Variants in CDKAL1 observed in about 807,000 individuals in gnomAD.
CDKAL1 encodes the protein threonylcarbamoyladenosine tRNA methylthiotransferase.
CDKAL1 carries 32 observed loss-of-function variants against 68.2 expected under a neutral mutation model. The observed-to-expected ratio is 0.47, with a 90% CI of 0.35 to 0.63. The LOEUF (loss-of-function observed/expected upper bound fraction) is 0.63, where lower values mean the gene tolerates loss of function less well. Ranked by LOEUF, CDKAL1 falls within the 30% of genes least tolerant of loss-of-function variation. The pLI, the probability that CDKAL1 is intolerant of heterozygous loss-of-function variation, is 0.00. For synonymous variants in CDKAL1, 234 were observed against 244.3 expected, an observed-to-expected ratio of 0.96 and a Z score of 0.39; for missense variants, 606 against 696.7, an observed-to-expected ratio of 0.87 and a Z score of 1.47.
At chr6:20,631,160 C>T (rs1767657677) in intron 4 of CDKAL1, among the ~76,000 whole-genome samples, 1 of 152,084 alleles carries the variant, frequency 6.6e-6, no homozygotes, top group African/African-American at 2.4e-5. Context: ...GAAGTTCTGC[C>T]CACCTGTTAC....
intron 13 of CDKAL1, among the ~76,000 whole-genome samples, chr6:21,159,458 G>A (rs1302926226): frequency 6.6e-6 from 1 of 152,096 alleles, no homozygotes. Flanking sequence ...TATACAAGCT[G>A]TCATAGCAAC....
intron 15 of CDKAL1, among the ~76,000 whole-genome samples, chr6:21,218,460 G>A (rs943427028): frequency 3.3e-5 from 5 of 152,234 alleles, no homozygotes; most frequent in Non-Finnish European, 5.9e-5. Flanking sequence ...TTCTCTGGGT[G>A]CCCGTGGCAC....
intron 13 of CDKAL1, among the ~76,000 whole-genome samples, chr6:21,117,734 T>C (rs1427167251): frequency 6.6e-6 from 1 of 152,184 alleles, no homozygotes; most frequent in East Asian, 1.9e-4. Flanking sequence ...TACATTCCAC[T>C]TGGGCAAATT....
At chr6:20,547,945 G>C (rs769786775) in intron 3 of CDKAL1, among the ~76,000 whole-genome samples, 3 of 152,140 alleles carry the variant, frequency 2.0e-5, no homozygotes, top group African/African-American at 7.2e-5. Context: ...TGCCATTGCT[G>C]CTAGAACCAC....
intron 4 of CDKAL1, among the ~76,000 whole-genome samples, chr6:20,619,186 A>G (rs1767065778): frequency 6.6e-6 from 1 of 152,214 alleles, no homozygotes; most frequent in Admixed American, 6.5e-5. Flanking sequence ...TTTGTACTCC[A>G]AAGGCAACTT....
chr6:20,881,099 G>A (rs1463554565), intron 9 of CDKAL1, among the ~76,000 whole-genome samples: 1 of 152,192 alleles, frequency 6.6e-6, no homozygotes, highest in East Asian at 1.9e-4. Flanking sequence ...ATCTCTAAGT[G>A]TGATCCCCAA....
intron 15 of CDKAL1, among the ~76,000 whole-genome samples, chr6:21,225,791 T>A (rs1344630341): frequency 6.6e-6 from 1 of 152,166 alleles, no homozygotes; most frequent in Admixed American, 6.5e-5. Context: ...CAATTCTATT[T>A]TAGAAGCAAA....
intron 11 of CDKAL1, among the ~76,000 whole-genome samples, chr6:21,003,367 T>TACACAC (rs1483081425): frequency 4.6e-5 from 3 of 65,680 alleles, no homozygotes; most frequent in African/African-American, 2.6e-4. Context: ...TATATATATA[T>TACACAC]ATATACACAC....
At chr6:20,640,166 G>A (rs1768105033) in intron 4 of CDKAL1, among the ~76,000 whole-genome samples, 1 of 133,322 alleles carries the variant, frequency 7.5e-6, no homozygotes, top group African/African-American at 3.0e-5. Flanking sequence ...GAGTTCTGTG[G>A]TAAAGAAACT....
chr6:20,632,433 T>C (rs1413852226), intron 4 of CDKAL1, among the ~76,000 whole-genome samples: 1 of 152,218 alleles, frequency 6.6e-6, no homozygotes, highest in Non-Finnish European at 1.5e-5. Flanking sequence ...AAATTATAAG[T>C]CGAATCATTG....
intron 8 of CDKAL1, among the ~76,000 whole-genome samples, chr6:20,799,107 C>T (rs1460587173): frequency 1.7e-5 from 2 of 114,444 alleles, no homozygotes; most frequent in Non-Finnish European, 3.3e-5. Flanking sequence ...GGCTGGAGTG[C>T]AATGGCATGA....
intron 12 of CDKAL1, among the ~76,000 whole-genome samples, chr6:21,092,166 G>A (rs1457569796): frequency 6.9e-6 from 1 of 144,056 alleles, no homozygotes; most frequent in Non-Finnish European, 1.5e-5. Context: ...GATTACAGGC[G>A]TGAGCCACTG....
chr6:21,086,978 C>T (rs1226235064), intron 12 of CDKAL1, among the ~76,000 whole-genome samples: 1 of 152,128 alleles, frequency 6.6e-6, no homozygotes, highest in African/African-American at 2.4e-5. Context: ...TAAAATGGCA[C>T]CCCAAACCTC....
intron 9 of CDKAL1, among the ~76,000 whole-genome samples, chr6:20,899,462 C>A (rs2150594556): frequency 6.6e-6 from 1 of 152,114 alleles, no homozygotes; most frequent in South Asian, 2.1e-4. Context: ...ATCTTGTGAA[C>A]AGAATGATGC....
At chr6:20,727,200 G>A (rs1442544506) in intron 5 of CDKAL1, among the ~76,000 whole-genome samples, 3 of 152,128 alleles carry the variant, frequency 2.0e-5, no homozygotes, top group African/African-American at 7.2e-5. Context: ...TAACTTTAGG[G>A]TCTGTCTTAG....
Position 21,120,542 on chromosome 6 carries a change from T to C in CDKAL1, c.1299+12079T>C, listed in dbSNP as rs551209579. Among the ~76,000 whole-genome samples the C allele has an allele frequency of 8.5e-5, 13 of 152,326 alleles. No individual in the cohort carries two copies. The East Asian group carries it at 2.5e-3, about 29-fold the overall frequency. ...AAATTCTCCCTTTGTAACCTTATCC[T>C]AGAGACCCCTGTTTTCTTCTCCAGA... On this transcript the variant is annotated intron_variant, in intron 13 of 15. Coordinates refer to ENST00000274695, the MANE Select transcript of CDKAL1 (RefSeq NM_017774.3).
chr6:21,153,817 A>G (rs1776523576), intron 13 of CDKAL1, among the ~76,000 whole-genome samples: 1 of 152,200 alleles, frequency 6.6e-6, no homozygotes, highest in Non-Finnish European at 1.5e-5. Context: ...AAGCCAGAAA[A>G]CAAAAAATTG....
chr6:20,842,078 T>C (rs1207543605), intron 8 of CDKAL1, among the ~76,000 whole-genome samples: 1 of 152,244 alleles, frequency 6.6e-6, no homozygotes, highest in South Asian at 2.1e-4. Flanking sequence ...TTTAATTGTT[T>C]ACAGATAACT....
intron 9 of CDKAL1, among the ~76,000 whole-genome samples, chr6:20,938,248 AT>A (rs1013579927): frequency 2.0e-5 from 3 of 151,786 alleles, no homozygotes; most frequent in African/African-American, 7.3e-5. Context: ...TGCCCTCATA[AT>A]TTTTTTTAGT....
Sources: gnomAD v4.1 joint callset for allele counts (sites outside exome capture counted in the v4.1 genomes callset) on GRCh38, gnomAD v4.1.1 for gene constraint, MANE v1.5 for transcripts, NCBI Gene and HGNC (gene_info 2026-07-23, HGNC 2026-07-21) for gene names.